PPP2R3B: variants seen among roughly 807,000 people sequenced by gnomAD.
PPP2R3B encodes the protein protein phosphatase 2 regulatory subunit B''beta, also known as serine/threonine-protein phosphatase 2A regulatory subunit B'' subunit beta.
A neutral mutation model predicts 72.9 loss-of-function variants in PPP2R3B; 68 were observed. The ratio of observed to expected loss-of-function variants is 0.93; its 90% confidence interval spans 0.77 to 1.14. The LOEUF is 1.14. Among genes scored for constraint, PPP2R3B ranks in the 50% most tolerant of loss-of-function variants. PPP2R3B has a pLI of 0.00. For missense variants in PPP2R3B, 1,018 were observed against 842.0 expected (o/e 1.21, Z -2.59); for synonymous variants, 466 against 375.8 (o/e 1.24, Z -2.78).
chrX:351,860 G>C (rs1427564751), intron 2 of PPP2R3B, among the ~76,000 whole-genome samples: 2 of 152,108 alleles, frequency 1.3e-5, no homozygotes, highest in Non-Finnish European at 2.9e-5. Context: ...ATCATGCCTG[G>C]GTAATTTTTT....
chrX:348,769 A>G (rs1303126541), intron 2 of PPP2R3B, among the ~76,000 whole-genome samples: 1 of 152,188 alleles, frequency 6.6e-6, no homozygotes, highest in Non-Finnish European at 1.5e-5. Context: ...AATTGTGTCC[A>G]TAATTTAAAA....
At chrX:381,760 G>A (rs1461049404) in intron 1 of PPP2R3B, among the ~76,000 whole-genome samples, 18 of 151,540 alleles carry the variant, frequency 1.2e-4, no homozygotes, top group East Asian at 7.7e-4. Flanking sequence ...CACCACGCCC[G>A]GCTAATTTTC....
chrX:373,514 G>A (rs756978677), intron 1 of PPP2R3B: 1 of 166,794 alleles, frequency 6.0e-6, no homozygotes, highest in South Asian at 1.2e-4. Context: ...GGGCAGCCGC[G>A]GGGCGCGCGG....
At chrX:349,344 C>G (rs1331518721) in intron 2 of PPP2R3B, among the ~76,000 whole-genome samples, 1 of 152,102 alleles carries the variant, frequency 6.6e-6, no homozygotes. Context: ...AAATGTCTTG[C>G]TGGTGACAAG....
chrX:342,277 G>C (rs2124601667), intron 7 of PPP2R3B: 2 of 449,730 alleles, frequency 4.4e-6, no homozygotes, highest in East Asian at 4.3e-5. Context: ...TTCAACCAAA[G>C]GTTCACCAAC....
chrX:341,077 C>T (rs2071057485), intron 9 of PPP2R3B, 137 bp from the exon 10 acceptor site: 4 of 1,296,720 alleles, frequency 3.1e-6, no homozygotes, highest in Non-Finnish European at 3.2e-6. Context: ...GCAGGCATCC[C>T]CTGCCCCCTG....
chrX:338,777 C>T lies in PPP2R3B; in HGVS notation c.1470+1G>A. 1 of 1,612,368 alleles carries T rather than the reference C, an allele frequency of 6.2e-7. No individual in the cohort carries two copies. The highest frequency in any genetic ancestry group is 8.5e-7 in the Non-Finnish European group (1 of 1,179,628). On this transcript the variant is annotated splice_donor_variant, in intron 11 of 12. Coordinates refer to ENST00000390665, the MANE Select transcript of PPP2R3B (RefSeq NM_013239.5). LOFTEE classifies it high-confidence loss of function. ...CCGGCCCGCGTGCCCGCCGCACTCA[C>T]CCTGAGCAGGGAGATCTGCTCTTTC...
chrX:363,549 T>C (rs1425891075), intron 1 of PPP2R3B, among the ~76,000 whole-genome samples: 6 of 143,084 alleles, frequency 4.2e-5, no homozygotes, highest in African/African-American at 1.6e-4. Flanking sequence ...GAGCCCGCGA[T>C]CCCGCAGTGC....
intron 12 of PPP2R3B, 99 bp downstream of exon 12, chrX:338,505 C>G (rs1429397769): frequency 8.2e-7 from 1 of 1,225,000 alleles, no homozygotes; most frequent in Non-Finnish European, 1.2e-6. Context: ...CCCCGCATCC[C>G]CCGGCTGCAC....
chrX:347,395 GACGCAGGGTGGAAC>G, intron 3 of PPP2R3B, 59 bp from the exon 4 acceptor site: 1 of 1,495,662 alleles, frequency 6.7e-7, no homozygotes, highest in Non-Finnish European at 9.3e-7. Flanking sequence ...CGACCCCGCA[GACGCAGGGTGGAAC>G]ACGTGTGTGG....
At position 338,781 on chromosome X, in the gene PPP2R3B, G is replaced by A. The variant is rs1468251361; in HGVS notation, c.1467C>T (p.Leu489=). The change falls in exon 11 of 13, where the codon CTC becomes CTT. Residue 489 remains leucine (L), a synonymous_variant. Transcript: ENST00000390665. ...CCCGCGTGCCCGCCGCACTCACCCT[G>A]AGCAGGGAGATCTGCTCTTTCTGCT... The part of the protein sequence containing the change: ...DHEQKEQISL[L]RDGDSGGPEL... 2 of 1,612,382 alleles carry A rather than the reference G, an allele frequency of 1.2e-6. No homozygotes were observed. The highest frequency in any genetic ancestry group is 3.3e-5 in the Admixed American group (2 of 60,016).
At chrX:346,029 G>A in intron 6 of PPP2R3B, 145 bp downstream of exon 6, 1 of 554,628 alleles carries the variant, frequency 1.8e-6, no homozygotes, top group Non-Finnish European at 3.1e-6. Flanking sequence ...GGGTGGGCTG[G>A]GAGCGCGGTG....
intron 4 of PPP2R3B, 32 bp downstream of exon 4, chrX:347,202 A>G: frequency 6.4e-7 from 1 of 1,558,746 alleles, no homozygotes; most frequent in South Asian, 1.1e-5. Context: ...CCCGTGAAGG[A>G]TAAGGCCTGT....
chrX:372,567 C>T (rs1230396579), intron 1 of PPP2R3B, among the ~76,000 whole-genome samples: 1 of 152,204 alleles, frequency 6.6e-6, no homozygotes, highest in Admixed American at 6.5e-5. Context: ...GACTCTTACA[C>T]GTTTAAATCA....
In PPP2R3B at chrX:338,577, C is replaced by T. The variant is rs865886203; in HGVS notation, c.1577+27G>A. On this transcript the variant is annotated intron_variant, in intron 12 of 12. Transcript: ENST00000390665. ...CACCCGTCCTCCCACTGACCCGTCC[C>T]CCCACTCACCCGTCCTCCCCACTCA... 4.5e-6 allele frequency: 7 copies of T among 1,541,976 alleles called. No homozygotes were observed. The African/African-American group carries it at 4.6e-5, about 10-fold the overall frequency.
chrX:349,283 G>T (rs1382179168), intron 2 of PPP2R3B, among the ~76,000 whole-genome samples: 1 of 151,096 alleles, frequency 6.6e-6, no homozygotes, highest in Non-Finnish European at 1.5e-5. Flanking sequence ...CGATGAACCA[G>T]GCACCACTCT....
At chrX:338,518 ACACCCGTCCTCCCACT>A (rs67867616) in intron 12 of PPP2R3B, 70 bp downstream of exon 12, 541,688 of 1,235,310 alleles carry the variant, frequency 0.44, 141,341 homozygotes, top group South Asian at 0.53. Flanking sequence ...GGCTGCACAC[ACACCCGTCCTCCCACT>A]CACCCGTCCT....
rs755541552 is a variant in PPP2R3B, at chrX:345,538, G to A, written c.1014C>T (p.Asp338=). The A allele has an allele frequency of 3.7e-6, 6 of 1,612,952 alleles. No individual in the cohort carries two copies. The highest frequency in any genetic ancestry group is 5.1e-6 in the Non-Finnish European group (6 of 1,179,540). ...TDHDLLIDAD[D]LARHNDHALS... is the part of the protein sequence containing the mutation. ...CACCGTGGTCATTGTGCCGCGCCAG[G>A]TCGTCCGCGTCGATGAGCAGGTCGT... The change falls in exon 7 of 13, where the codon GAC becomes GAT. Residue 338 remains aspartate (D), a synonymous_variant. Transcript: ENST00000390665.
chrX:383,837 C>CAAAAAAAAAAAAAAAA (rs757960788), intron 1 of PPP2R3B, among the ~76,000 whole-genome samples: 3 of 45,620 alleles, frequency 6.6e-5, no homozygotes, highest in African/African-American at 1.3e-4. Context: ...GACTCCGTCT[C>CAAAAAAAAAAAAAAAA]AAAAAAAAAA....
Sources: allele counts gnomAD v4.1 joint callset (sites outside exome capture counted in the v4.1 genomes callset), GRCh38; gene constraint gnomAD v4.1.1; transcripts MANE v1.5; gene names NCBI Gene and HGNC (gene_info 2026-07-23, HGNC 2026-07-21).